CACNG8: variants seen among roughly 807,000 people sequenced by gnomAD.
CACNG8 encodes the protein calcium voltage-gated channel auxiliary subunit gamma 8, also known as voltage-dependent calcium channel gamma-8 subunit.
Under a neutral mutation model 26.9 loss-of-function variants are expected in CACNG8, and 5 were observed. That is an observed-to-expected ratio of 0.19 (90% CI 0.10 to 0.39). The LOEUF is 0.39. CACNG8 is among the 10% of genes least tolerant of loss of function. The pLI, the probability that CACNG8 is intolerant of heterozygous loss-of-function variation, is 1.00. For synonymous variants in CACNG8, 321 were observed against 296.7 expected (o/e 1.08, Z -0.84); for missense variants, 473 against 609.4 (o/e 0.78, Z 2.36).
Position 53,982,631 on chromosome 19 carries a change from G to T in CACNG8, c.1060G>T (p.Gly354Cys). The T allele has an allele frequency of 9.9e-7, 1 of 1,014,608 alleles. No individual in the cohort carries two copies. Among genetic ancestry groups the T allele is most frequent in the Middle Eastern group, 4.8e-4 (1 of 2,066 alleles). 62.9% of individuals were successfully genotyped at this position (1,014,608 alleles called of 1,614,324 possible). The change falls in exon 4 of 4, where the codon GGT (glycine) becomes TGT (cysteine). Residue 354 changes from glycine to cysteine, a missense_variant. Around this residue, in one of 6 missense-constraint regions of CACNG8, gnomAD observed 212 missense variants for 214.4 expected, o/e 0.99. Coordinates refer to ENST00000270458, the MANE Select transcript of CACNG8 (RefSeq NM_031895.6). The surrounding 1 kb of genome is among the most constrained non-coding windows in gnomAD (Gnocchi z 8.4). ...CGGCGGCGGAGGCGGCGGCGGGGCGGGTGCCGAGCGGGACCGCGGGGGGGC... is the reference window on the plus strand; with the variant it reads ...CGGCGGCGGAGGCGGCGGCGGGGCGTGTGCCGAGCGGGACCGCGGGGGGGC...
At chr19:53,966,840 G>A (rs1453457292) in intron 1 of CACNG8, among the ~76,000 whole-genome samples, 2 of 152,208 alleles carry the variant, frequency 1.3e-5, no homozygotes, top group Non-Finnish European at 2.9e-5. Context: ...TGACCGAGGG[G>A]AAGGCAAATG....
intron 1 of CACNG8, among the ~76,000 whole-genome samples, chr19:53,969,176 G>A (rs760896405): frequency 6.6e-6 from 1 of 151,818 alleles, no homozygotes; most frequent in Non-Finnish European, 1.5e-5. Context: ...GCTAATTTTT[G>A]TACTTTTAGT....
In CACNG8 at chr19:53,989,053, A is replaced by G. The variant is rs1293698810; in HGVS notation, c.*6204A>G. The G allele has an allele frequency of 6.6e-6, 1 of 152,256 alleles. No homozygotes were observed. Among genetic ancestry groups the G allele is most frequent in the African/African-American group, 2.4e-5 (1 of 41,454 alleles). 9.4% of individuals were successfully genotyped at this position (152,256 alleles called of 1,614,324 possible). ...GAGGCCAAGACAGGAGGATTGCTTGAGGCTTGGCGTTTGAGACCAGCCTGG... is the reference window on the plus strand; with the variant it reads ...GAGGCCAAGACAGGAGGATTGCTTGGGGCTTGGCGTTTGAGACCAGCCTGG... On this transcript the variant is annotated 3_prime_UTR_variant, in exon 4 of 4. Transcript: ENST00000270458.
At chr19:53,969,681 G>A (rs1339763571) in intron 1 of CACNG8, among the ~76,000 whole-genome samples, 8 of 149,760 alleles carry the variant, frequency 5.3e-5, no homozygotes, top group South Asian at 2.1e-4. Flanking sequence ...GAGTCATTGC[G>A]TCCTGCAGCC....
rs1194655476 is a variant in CACNG8, at chr19:53,982,894, G to A, written c.*45G>A. ...AGGGGCGTGTCCGGGGCGCGTGCGC[G>A]GGCGCGCGTGCATCGAGGCTGCCGG... On this transcript the variant is annotated 3_prime_UTR_variant, in exon 4 of 4. Transcript: ENST00000270458. This position sits in a 1 kb window ranked among gnomAD's most constrained non-coding sequence, Gnocchi z 8.4. 1.7e-6 allele frequency: 2 copies of A among 1,202,222 alleles called. No homozygotes were observed. Among genetic ancestry groups the A allele is most frequent in the East Asian group, 3.9e-5 (1 of 25,372 alleles). The allele number at this position is 1,202,222 out of a possible 1,614,324, so 74.5% of individuals were successfully genotyped here. A position where few individuals can be genotyped will look rare whatever the true frequency, so the allele number is the denominator to read the frequency against.
At chr19:53,972,073 C>T (rs921924670) in intron 1 of CACNG8, among the ~76,000 whole-genome samples, 17 of 152,226 alleles carry the variant, frequency 1.1e-4, no homozygotes, top group African/African-American at 4.1e-4. Context: ...CGGCTCACTG[C>T]AAACTCCGCT....
chr19:53,971,062 TGG>T (rs1568797783), intron 1 of CACNG8, among the ~76,000 whole-genome samples: 16 of 151,328 alleles, frequency 1.1e-4, no homozygotes, highest in African/African-American at 3.9e-4. Context: ...GAGGCCGAGG[TGG>T]GTGGATCACG....
At position 53,963,199 on chromosome 19, in the gene CACNG8, G is replaced by A. The variant is rs200026820; in HGVS notation, c.57G>A (p.Val19=). ...GGGGCCTCTGGTGCGAGAAGGGGGTGCAGGTGCTGCTGACGACGGTGGGCG... is the reference window on the plus strand; with the variant it reads ...GGGGCCTCTGGTGCGAGAAGGGGGTACAGGTGCTGCTGACGACGGTGGGCG... The change falls in exon 1 of 4, where the codon GTG becomes GTA. Residue 19 remains valine (V), a synonymous_variant. Transcript: ENST00000270458. The A allele has an allele frequency of 1.9e-6, 3 of 1,599,796 alleles. No individual in the cohort carries two copies. Among genetic ancestry groups the A allele is most frequent in the Non-Finnish European group, 2.6e-6 (3 of 1,174,636 alleles).
At position 53,982,240 on chromosome 19, in the gene CACNG8, C is replaced by G. The variant is rs573460921; in HGVS notation, c.669C>G (p.Ala223=). The stretch of plus-strand genomic sequence containing the variant: ...TGGCCGAGGTGATAGGCGTGCTGGC[C>G]GTCAACATCTACATCGAGCGCAGCC... The change falls in exon 4 of 4, where the codon GCC becomes GCG. Residue 223 remains alanine, a synonymous_variant. Coordinates refer to ENST00000270458, the MANE Select transcript of CACNG8 (RefSeq NM_031895.6). This position sits in a 1 kb window ranked among gnomAD's most constrained non-coding sequence, Gnocchi z 8.4. The G allele has an allele frequency of 3.0e-5, 48 of 1,612,828 alleles. No homozygotes were observed. Among genetic ancestry groups the G allele is most frequent in the Non-Finnish European group, 3.8e-5 (45 of 1,179,712 alleles).
chr19:53,977,440 G>A (rs922092239), intron 1 of CACNG8, among the ~76,000 whole-genome samples: 3 of 152,160 alleles, frequency 2.0e-5, no homozygotes, highest in African/African-American at 7.2e-5. Context: ...AATAGCTGAG[G>A]ATGAGCATCT....
intron 1 of CACNG8, among the ~76,000 whole-genome samples, chr19:53,972,833 G>T (rs529217059): frequency 6.6e-6 from 1 of 152,058 alleles, no homozygotes; most frequent in African/African-American, 2.4e-5. Context: ...CAGAGCCCAC[G>T]ATCAATAACC....
chr19:53,971,179 C>G lies in CACNG8; in HGVS notation c.284-6967C>G, dbSNP rs144399505. The stretch of plus-strand genomic sequence containing the variant: ...CAGTGGTGGGCAACTGTAATTCCAG[C>G]TACTCGGGAGGCTGAGGCAGGAGAA... On this transcript the variant is annotated intron_variant, in intron 1 of 3. Transcript: ENST00000270458. Among the ~76,000 whole-genome samples, 45 of 151,444 alleles carry G rather than the reference C, an allele frequency of 3.0e-4. No individual in the cohort carries two copies. In the East Asian group the frequency reaches 8.6e-3, roughly 29 times the overall value.
chr19:53,964,247 C>T (rs999896572), intron 1 of CACNG8, among the ~76,000 whole-genome samples: 3 of 151,878 alleles, frequency 2.0e-5, no homozygotes, highest in Admixed American at 1.3e-4. Flanking sequence ...CCTCTCCCGC[C>T]CCCTTTCACG....
intron 3 of CACNG8, 91 bp downstream of exon 3, chr19:53,980,098 G>GCA: frequency 7.6e-7 from 1 of 1,312,036 alleles, no homozygotes; most frequent in African/African-American, 1.5e-5. Context: ...GCGCGCGCGC[G>GCA]TGAGTGCAAG....
rs1010730555 is a variant in CACNG8 at position 53,987,926 on chromosome 19, A to T, written c.*5077A>T. ...GCAGGGGGGTGGGGACAGAGAAGCG[A>T]CCCTGGCCAGAGCCTTGGGGACATC... On this transcript the variant is annotated 3_prime_UTR_variant, in exon 4 of 4. Transcript: ENST00000270458. 6.6e-6 allele frequency: 1 copy of T among 151,316 alleles called. No individual in the cohort carries two copies. Among genetic ancestry groups the T allele is most frequent in the Admixed American group, 6.6e-5 (1 of 15,126 alleles). 9.4% of individuals were successfully genotyped at this position (151,316 alleles called of 1,614,324 possible).
Position 53,963,080 on chromosome 19 carries a change from G to C in CACNG8, c.-63G>C. The C allele has an allele frequency of 2.4e-6, 2 of 846,756 alleles. No individual in the cohort carries two copies. The highest frequency in any genetic ancestry group is 1.5e-6 in the Non-Finnish European group (1 of 670,576). The allele number at this position is 846,756 out of a possible 1,614,324, so 52.5% of individuals were successfully genotyped here. A position where few individuals can be genotyped will look rare whatever the true frequency, so the allele number is the denominator to read the frequency against. ...CGCTGTGAACCCCCCCCCAGCCGCC[G>C]GCACGGCCCCGCCCCCGCTGCCCCG... On this transcript the variant is annotated 5_prime_UTR_variant, in exon 1 of 4. Coordinates refer to ENST00000270458, the MANE Select transcript of CACNG8 (RefSeq NM_031895.6).
intron 1 of CACNG8, among the ~76,000 whole-genome samples, chr19:53,977,293 A>C (rs1479207613): frequency 6.6e-6 from 1 of 152,238 alleles, no homozygotes; most frequent in African/African-American, 2.4e-5. Context: ...AATGTTCCAC[A>C]GCATGGGCAG....
rs557838629 is a variant in CACNG8 at position 53,966,527 on chromosome 19, C to T, written c.283+3102C>T. Among the ~76,000 whole-genome samples, 6 of 152,256 alleles carry T rather than the reference C, an allele frequency of 3.9e-5. No individual in the cohort carries two copies. In the South Asian group the frequency reaches 6.2e-4, roughly 16 times the overall value. ...CCCTGAACCCAAGCCGTCCTCTTGC[C>T]TCAGCCTCCCAAATAGCTAGAACTA... On this transcript the variant is annotated intron_variant, in intron 1 of 3. Coordinates refer to ENST00000270458, the MANE Select transcript of CACNG8 (RefSeq NM_031895.6).
intron 1 of CACNG8, among the ~76,000 whole-genome samples, chr19:53,975,139 G>C (rs1259621662): frequency 1.3e-5 from 2 of 151,702 alleles, no homozygotes; most frequent in South Asian, 2.1e-4. Flanking sequence ...AGTAGAGACG[G>C]GGTTTCACTA....
Sources: allele counts gnomAD v4.1 joint callset (sites outside exome capture counted in the v4.1 genomes callset), GRCh38; gene constraint gnomAD v4.1.1; regional missense constraint gnomAD v4.1.1; non-coding constraint Gnocchi (gnomAD v3.1); transcripts MANE v1.5; gene names NCBI Gene and HGNC (gene_info 2026-07-23, HGNC 2026-07-21).